Variants in WDFY2 observed in about 807,000 individuals in gnomAD.
WDFY2 encodes WD repeat and FYVE domain-containing protein 2.
In WDFY2, 36 loss-of-function variants were observed where a neutral mutation model predicts 56.4. That is an observed-to-expected ratio of 0.64 (90% CI 0.49 to 0.84). The LOEUF is 0.84. Ranked by LOEUF, WDFY2 falls within the 40% of genes least tolerant of loss-of-function variation. The probability of loss-of-function intolerance (pLI) is 0.00; values close to 1 mark genes in which losing one functional copy is unlikely to be tolerated. For missense variants in WDFY2, 444 were observed against 512.2 expected, an observed-to-expected ratio of 0.87 and a Z score of 1.29; for synonymous variants, 176 against 183.7, an observed-to-expected ratio of 0.96 and a Z score of 0.34.
At position 51,765,945 on chromosome 13, in the gene WDFY2, A is replaced by G. The variant is rs1284531351; in HGVS notation, c.*6176A>G. The G allele has an allele frequency of 6.6e-6, 1 of 152,146 alleles. No individual in the cohort carries two copies. Among genetic ancestry groups the G allele is most frequent in the Non-Finnish European group, 1.5e-5 (1 of 68,018 alleles). The allele number at this position is 152,146 out of a possible 1,614,324, so 9.4% of individuals were successfully genotyped here. A position where few individuals can be genotyped will look rare whatever the true frequency, so the allele number is the denominator to read the frequency against. On this transcript the variant is annotated 3_prime_UTR_variant, in exon 12 of 12. Coordinates refer to ENST00000298125, the MANE Select transcript of WDFY2 (RefSeq NM_052950.4). ...GGTTGGCTGAAAAGTTAGATTGAGAATCTGACCTTGTTACTTATGATTCTT... is the reference window on the plus strand; with the variant it reads ...GGTTGGCTGAAAAGTTAGATTGAGAGTCTGACCTTGTTACTTATGATTCTT...
chr13:51,637,555 G>A (rs751587507), intron 1 of WDFY2, among the ~76,000 whole-genome samples: 13 of 152,018 alleles, frequency 8.6e-5, no homozygotes, highest in Non-Finnish European at 1.3e-4. Flanking sequence ...AAGAGGTCCC[G>A]ATCCAGACCC....
intron 6 of WDFY2, 48 bp from the exon 7 acceptor site, chr13:51,739,001 T>A (rs1952903575): frequency 6.9e-7 from 1 of 1,459,666 alleles, no homozygotes; most frequent in African/African-American, 1.4e-5. Flanking sequence ...CTTTTGTGGG[T>A]AAGAGTCTTA....
chr13:51,759,752 A>T lies in WDFY2; in HGVS notation c.1186A>T (p.Thr396Ser), dbSNP rs1201537070. Residue 396 changes from threonine (T) to serine (S), a missense_variant, in exon 12 of 12, where the codon ACC becomes TCC. By Grantham distance (58) the Thr-to-Ser change is moderately conservative. Transcript: ENST00000298125. ...TTTCTTTTTGCAGTTGTGGGATATG[A>T]CCCCAGTCGTGTCTTGATGACTCTC... ...TDKVIKLWDM[T>S]PVVS 16 of 1,613,818 alleles carry T rather than the reference A, an allele frequency of 9.9e-6. No homozygotes were observed. The African/African-American group carries it at 1.9e-4, about 19-fold the overall frequency.
chr13:51,663,805 A>G (rs1203438127), intron 2 of WDFY2, among the ~76,000 whole-genome samples: 1 of 152,222 alleles, frequency 6.6e-6, no homozygotes, highest in Non-Finnish European at 1.5e-5. Flanking sequence ...AAAAATGCAC[A>G]ATATATTCAG....
intron 2 of WDFY2, among the ~76,000 whole-genome samples, chr13:51,663,700 G>A (rs977830101): frequency 6.6e-6 from 1 of 152,146 alleles, no homozygotes; most frequent in African/African-American, 2.4e-5. Context: ...CCAAGGAATT[G>A]TTTTGTAGTC....
At chr13:51,646,522 CT>C (rs1955265838) in intron 1 of WDFY2, among the ~76,000 whole-genome samples, 2 of 152,226 alleles carry the variant, frequency 1.3e-5, no homozygotes, top group African/African-American at 4.8e-5. Context: ...CTGTCTCCCC[CT>C]GTGAGCTTCC....
chr13:51,747,948 G>A (rs1232862357), intron 7 of WDFY2, among the ~76,000 whole-genome samples: 1 of 152,210 alleles, frequency 6.6e-6, no homozygotes, highest in Non-Finnish European at 1.5e-5. Flanking sequence ...CAGAGGTTCA[G>A]TTTGGAAAGG....
At chr13:51,712,643 G>A (rs1164591277) in intron 4 of WDFY2, among the ~76,000 whole-genome samples, 2 of 151,210 alleles carry the variant, frequency 1.3e-5, no homozygotes. Flanking sequence ...AGAAGTTCAT[G>A]AAATAGAAAA....
intron 1 of WDFY2, among the ~76,000 whole-genome samples, chr13:51,619,790 A>G (rs149568057): frequency 3.8e-4 from 58 of 152,342 alleles, no homozygotes; most frequent in African/African-American, 1.4e-3. Flanking sequence ...GAAAAAGGAA[A>G]GTGATGGATA....
At chr13:51,681,086 C>T (rs1286538138) in intron 3 of WDFY2, among the ~76,000 whole-genome samples, 1 of 152,082 alleles carries the variant, frequency 6.6e-6, no homozygotes, top group Non-Finnish European at 1.5e-5. Flanking sequence ...GGGAACTGAA[C>T]CCAAATGGTA....
chr13:51,648,678 TTA>T (rs1955308794), intron 1 of WDFY2, among the ~76,000 whole-genome samples: 1 of 152,156 alleles, frequency 6.6e-6, no homozygotes, highest in African/African-American at 2.4e-5. Context: ...CATGGCACAC[TTA>T]TACCTATGTA....
chr13:51,640,838 T>C (rs1422825258), intron 1 of WDFY2, among the ~76,000 whole-genome samples: 2 of 150,514 alleles, frequency 1.3e-5, no homozygotes, highest in Non-Finnish European at 2.9e-5. Context: ...CAACAAGATT[T>C]ATCGAATCAT....
chr13:51,733,277 T>C (rs572120469), intron 6 of WDFY2, among the ~76,000 whole-genome samples: 1 of 152,296 alleles, frequency 6.6e-6, no homozygotes, highest in African/African-American at 2.4e-5. Flanking sequence ...CTTCAGGTGA[T>C]CCGCCCACTT....
chr13:51,702,769 T>G (rs1006396400), intron 3 of WDFY2, among the ~76,000 whole-genome samples: 6 of 152,208 alleles, frequency 3.9e-5, no homozygotes, highest in Non-Finnish European at 7.3e-5. Context: ...GTTTCTAAAC[T>G]CAGATGAAGG....
intron 4 of WDFY2, among the ~76,000 whole-genome samples, chr13:51,703,918 T>C (rs1393187444): frequency 6.6e-6 from 1 of 152,238 alleles, no homozygotes; most frequent in Non-Finnish European, 1.5e-5. Flanking sequence ...TATACCATGC[T>C]GCTTTTCAAC....
chr13:51,722,208 C>T (rs1345071866), intron 5 of WDFY2, among the ~76,000 whole-genome samples: 1 of 152,020 alleles, frequency 6.6e-6, no homozygotes, highest in African/African-American at 2.4e-5. Context: ...CTTCTATCTC[C>T]ACCTCAAACA....
chr13:51,619,766 A>G (rs1177555572), intron 1 of WDFY2, among the ~76,000 whole-genome samples: 1 of 152,248 alleles, frequency 6.6e-6, no homozygotes, highest in Non-Finnish European at 1.5e-5. Flanking sequence ...ATGGTCAGAT[A>G]ACATTTATGG....
At chr13:51,632,576 A>C (rs141517588) in intron 1 of WDFY2, among the ~76,000 whole-genome samples, 1 of 152,104 alleles carries the variant, frequency 6.6e-6, no homozygotes, top group Non-Finnish European at 1.5e-5. Context: ...ATTTCAGTGC[A>C]TCTCTTCTTT....
At chr13:51,729,245 C>CA (rs1952669899) in intron 6 of WDFY2, among the ~76,000 whole-genome samples, 1 of 152,038 alleles carries the variant, frequency 6.6e-6, no homozygotes, top group South Asian at 2.1e-4. Flanking sequence ...ATTGCACACT[C>CA]ACGATTTCCT....
Sources: allele counts gnomAD v4.1 joint callset (sites outside exome capture counted in the v4.1 genomes callset), GRCh38; gene constraint gnomAD v4.1.1; transcripts MANE v1.5; gene names NCBI Gene and HGNC (gene_info 2026-07-23, HGNC 2026-07-21).